PSD3: variants seen among roughly 807,000 people sequenced by gnomAD.
The protein encoded by PSD3 is pleckstrin and Sec7 domain containing 3, also known as PH and SEC7 domain-containing protein 3.
A neutral mutation model predicts 105.5 loss-of-function variants in PSD3; 49 were observed. The observed-to-expected ratio is 0.46, with a 90% confidence interval of 0.37 to 0.59. The LOEUF is 0.59. Ranked by LOEUF, PSD3 falls within the 20% of genes least tolerant of loss-of-function variation. PSD3 has a pLI of 0.00. For synonymous variants in PSD3, 557 were observed against 457.8 expected (o/e 1.22, Z -2.77); for missense variants, 1,561 against 1,263.8 (o/e 1.24, Z -3.57).
At chr8:19,080,807 A>C (rs1281222049) in intron 1 of PSD3, among the ~76,000 whole-genome samples, 2 of 152,226 alleles carry the variant, frequency 1.3e-5, no homozygotes, top group Non-Finnish European at 2.9e-5. Flanking sequence ...AATTGAGGTC[A>C]GTAAAAATGA....
Position 18,797,506 on chromosome 8 carries a change from T to C in PSD3, c.2082+1789A>G, listed in dbSNP as rs532059719. Among the ~76,000 whole-genome samples, 7 of 152,276 alleles carry C rather than the reference T, an allele frequency of 4.6e-5. 1 individual carries two copies. The South Asian group carries it at 1.5e-3, about 32-fold the overall frequency. On this transcript the variant is annotated intron_variant, in intron 8 of 15. Coordinates refer to ENST00000327040, the MANE Select transcript of PSD3 (RefSeq NM_015310.4). ...CTAAAGAAGAGCAAATGTCCTAGATTTGCAGCTCTAAACCTGTAGCTACTG... is the reference window on the plus strand; with the variant it reads ...CTAAAGAAGAGCAAATGTCCTAGATCTGCAGCTCTAAACCTGTAGCTACTG...
intron 4 of PSD3, among the ~76,000 whole-genome samples, chr8:18,840,709 A>C (rs997066111): frequency 2.6e-5 from 4 of 152,102 alleles, no homozygotes; most frequent in African/African-American, 4.8e-5. Context: ...GACTTTAGAG[A>C]CCACACCCTG....
intron 9 of PSD3, among the ~76,000 whole-genome samples, chr8:18,663,137 G>C (rs775048627): frequency 6.6e-6 from 1 of 152,142 alleles, no homozygotes; most frequent in Non-Finnish European, 1.5e-5. Context: ...AATCAAACCT[G>C]AAAGTGAAGG....
chr8:18,754,299 A>G (rs10093710), intron 9 of PSD3, among the ~76,000 whole-genome samples: 24,151 of 152,100 alleles, frequency 0.16, 3,637 homozygotes, highest in African/African-American at 0.39. Context: ...CAGGGGAATC[A>G]CTTGAACCTG....
chr8:18,593,366 T>C (rs1239311294), intron 12 of PSD3, among the ~76,000 whole-genome samples: 4 of 152,064 alleles, frequency 2.6e-5, no homozygotes, highest in African/African-American at 7.2e-5. Context: ...AACAGACACA[T>C]GAAAAAATGC....
intron 2 of PSD3, among the ~76,000 whole-genome samples, chr8:18,907,589 T>C (rs913798007): frequency 1.3e-5 from 2 of 152,226 alleles, no homozygotes; most frequent in Admixed American, 1.3e-4. Context: ...AGCAACATGT[T>C]GCACAGGATT....
chr8:18,585,587 G>C (rs1455941359), intron 12 of PSD3, among the ~76,000 whole-genome samples: 4 of 151,980 alleles, frequency 2.6e-5, no homozygotes, highest in Non-Finnish European at 5.9e-5. Context: ...CAAAGTGCTG[G>C]GATTACAGGT....
At chr8:18,944,357 G>T (rs1397481765) in intron 1 of PSD3, among the ~76,000 whole-genome samples, 1 of 152,154 alleles carries the variant, frequency 6.6e-6, no homozygotes, top group Non-Finnish European at 1.5e-5. Flanking sequence ...ATGACCGGAG[G>T]TCAGGAGTTT....
At chr8:18,945,286 C>T (rs1822790351) in intron 1 of PSD3, among the ~76,000 whole-genome samples, 1 of 133,194 alleles carries the variant, frequency 7.5e-6, no homozygotes, top group Non-Finnish European at 1.6e-5. Flanking sequence ...TCACATGTAT[C>T]CTTATAAGAG....
At chr8:18,695,674 G>A (rs557993701) in intron 9 of PSD3, among the ~76,000 whole-genome samples, 17 of 152,178 alleles carry the variant, frequency 1.1e-4, no homozygotes, top group South Asian at 4.2e-4. Flanking sequence ...CAATCTCAAC[G>A]GTTTTGCTCT....
intron 11 of PSD3, among the ~76,000 whole-genome samples, chr8:18,622,252 A>C (rs1806165912): frequency 6.6e-6 from 1 of 152,254 alleles, no homozygotes; most frequent in Admixed American, 6.5e-5. Flanking sequence ...AAAATTATTA[A>C]AGTGATATGT....
At chr8:18,720,250 G>A (rs766160355) in intron 9 of PSD3, among the ~76,000 whole-genome samples, 1 of 152,142 alleles carries the variant, frequency 6.6e-6, no homozygotes, top group Non-Finnish European at 1.5e-5. Flanking sequence ...TATTAAAATG[G>A]TCATTAAAGT....
At chr8:18,847,080 GC>G (rs1815152890) in intron 4 of PSD3, among the ~76,000 whole-genome samples, 1 of 152,148 alleles carries the variant, frequency 6.6e-6, no homozygotes, top group East Asian at 1.9e-4. Flanking sequence ...CCTCGACACT[GC>G]CTTTCACCTC....
intron 6 of PSD3, 53 bp from the exon 7 acceptor site, chr8:18,801,435 C>A: frequency 1.0e-6 from 1 of 996,352 alleles, no homozygotes; most frequent in Middle Eastern, 2.4e-4. Flanking sequence ...TGCTATCACA[C>A]TCTTTCATAG....
intron 1 of PSD3, among the ~76,000 whole-genome samples, chr8:18,971,637 T>A (rs1296704081): frequency 1.3e-5 from 2 of 152,164 alleles, no homozygotes; most frequent in Non-Finnish European, 2.9e-5. Context: ...GAAGGGGACC[T>A]GGCACATAAA....
intron 9 of PSD3, among the ~76,000 whole-genome samples, chr8:18,695,210 C>G (rs1403488822): frequency 6.6e-6 from 1 of 152,130 alleles, no homozygotes; most frequent in African/African-American, 2.4e-5. Flanking sequence ...ATATTGAGAT[C>G]ACAACTTGGG....
chr8:18,602,804 C>T (rs1328068792), intron 11 of PSD3, among the ~76,000 whole-genome samples: 2 of 152,116 alleles, frequency 1.3e-5, no homozygotes, highest in Non-Finnish European at 2.9e-5. Context: ...GCCGCTGTTG[C>T]CACTGGACCC....
intron 1 of PSD3, among the ~76,000 whole-genome samples, chr8:19,031,021 T>G (rs1464561271): frequency 6.6e-6 from 1 of 152,192 alleles, no homozygotes; most frequent in African/African-American, 2.4e-5. Flanking sequence ...TTTCCCAGTC[T>G]GATTGTATCT....
At chr8:18,775,085 C>A (rs537414899) in intron 8 of PSD3, 4 of 400,842 alleles carry the variant, frequency 1.0e-5, no homozygotes, top group African/African-American at 4.1e-5. Context: ...TTTAAGCCCC[C>A]CCAAGTTTGA....
Sources: gnomAD v4.1 joint callset for allele counts (sites outside exome capture counted in the v4.1 genomes callset) on GRCh38, gnomAD v4.1.1 for gene constraint, MANE v1.5 for transcripts, NCBI Gene and HGNC (gene_info 2026-07-23, HGNC 2026-07-21) for gene names.